Variants in CDH18 observed in about 807,000 individuals in gnomAD.
CDH18 encodes cadherin 18.
CDH18 carries 31 observed loss-of-function variants against 67.9 expected under a neutral mutation model. That is an observed-to-expected ratio of 0.46 (90% CI 0.34 to 0.62). The LOEUF is 0.62. CDH18 is among the 20% of genes least tolerant of loss of function. The probability of loss-of-function intolerance (pLI) is 0.01; values close to 1 mark genes in which losing one functional copy is unlikely to be tolerated. For missense variants in CDH18, 890 were observed against 975.5 expected, an observed-to-expected ratio of 0.91 and a Z score of 1.17; for synonymous variants, 362 against 347.2, an observed-to-expected ratio of 1.04 and a Z score of -0.48.
chr5:20,527,177 C>G (rs1191759747), intron 1 of CDH18, among the ~76,000 whole-genome samples: 1 of 121,050 alleles, frequency 8.3e-6, no homozygotes, highest in Non-Finnish European at 2.0e-5. Flanking sequence ...TGAAGACCAT[C>G]TTGCTGAAAT....
At chr5:19,724,928 CT>C (rs34393612) in intron 4 of CDH18, among the ~76,000 whole-genome samples, 62,521 of 121,894 alleles carry the variant, frequency 0.51, 13,533 homozygotes, top group South Asian at 0.64. Flanking sequence ...ATATTAAGGC[CT>C]TTTTTTTTTT....
chr5:19,570,114 T>A (rs1403869028), intron 8 of CDH18, among the ~76,000 whole-genome samples: 2 of 151,726 alleles, frequency 1.3e-5, no homozygotes, highest in Non-Finnish European at 2.9e-5. Context: ...GGTGCTACAT[T>A]TTTTTTTAAA....
intron 12 of CDH18, among the ~76,000 whole-genome samples, chr5:19,479,320 G>A (rs1471299928): frequency 1.3e-5 from 2 of 152,068 alleles, no homozygotes; most frequent in South Asian, 2.1e-4. Context: ...AGGGTTGAAC[G>A]TTATTTCAGA....
chr5:20,411,520 G>T (rs1285671712), intron 1 of CDH18, among the ~76,000 whole-genome samples: 1 of 152,042 alleles, frequency 6.6e-6, no homozygotes, highest in Non-Finnish European at 1.5e-5. Context: ...AAAGCTTCAT[G>T]ACTTTGCTGT....
intron 2 of CDH18, among the ~76,000 whole-genome samples, chr5:20,106,182 T>A (rs935715140): frequency 6.6e-6 from 1 of 152,180 alleles, no homozygotes; most frequent in Non-Finnish European, 1.5e-5. Flanking sequence ...TTCCTCCAAC[T>A]CTACGAGTTT....
chr5:20,067,317 A>T (rs1743066356), intron 2 of CDH18, among the ~76,000 whole-genome samples: 1 of 151,208 alleles, frequency 6.6e-6, no homozygotes, highest in Admixed American at 6.6e-5. Context: ...CTAACTAAAT[A>T]TCTGAATTCA....
upstream of CDH18, among the ~76,000 whole-genome samples, chr5:19,989,336 A>G (rs185473035): frequency 6.6e-6 from 1 of 152,342 alleles, no homozygotes; most frequent in Non-Finnish European, 1.5e-5. Flanking sequence ...CCAGGTTCAG[A>G]ATGTTAAAGG....
intron 8 of CDH18, among the ~76,000 whole-genome samples, chr5:19,559,934 A>AAAAAC (rs1739152122): frequency 6.6e-6 from 1 of 151,474 alleles, no homozygotes; most frequent in African/African-American, 2.4e-5. Context: ...ACAAAAAAAA[A>AAAAAC]ACTCAGGAAT....
At chr5:20,377,116 G>A (rs1743516290) in intron 1 of CDH18, among the ~76,000 whole-genome samples, 1 of 152,042 alleles carries the variant, frequency 6.6e-6, no homozygotes, top group Non-Finnish European at 1.5e-5. Context: ...AATAAAGCTT[G>A]GTGGATAAGA....
At chr5:19,526,930 G>A (rs1269894454) in intron 9 of CDH18, among the ~76,000 whole-genome samples, 1 of 151,758 alleles carries the variant, frequency 6.6e-6, no homozygotes, top group Non-Finnish European at 1.5e-5. Flanking sequence ...ATTTATAGCT[G>A]TCTAAGTTTC....
chr5:20,271,050 G>T (rs1580632451), intron 1 of CDH18, among the ~76,000 whole-genome samples: 1 of 152,030 alleles, frequency 6.6e-6, no homozygotes, highest in East Asian at 1.9e-4. Flanking sequence ...CTTAATACCT[G>T]AGTGATGATA....
chr5:20,504,279 C>T (rs1346624463), intron 1 of CDH18, among the ~76,000 whole-genome samples: 1 of 152,100 alleles, frequency 6.6e-6, no homozygotes, highest in East Asian at 1.9e-4. Flanking sequence ...AGAATTTTAT[C>T]TCTTGATTTC....
intron 4 of CDH18, among the ~76,000 whole-genome samples, chr5:19,743,789 C>G (rs949093964): frequency 1.3e-5 from 2 of 151,894 alleles, no homozygotes; most frequent in African/African-American, 4.8e-5. Context: ...GGCCTGGAGG[C>G]ACACGCCTGT....
At chr5:19,695,829 G>A (rs143640493) in intron 5 of CDH18, among the ~76,000 whole-genome samples, 3 of 152,206 alleles carry the variant, frequency 2.0e-5, no homozygotes, top group African/African-American at 7.2e-5. Flanking sequence ...CTTCAGGAGC[G>A]AGTTCATCAT....
intron 1 of CDH18, among the ~76,000 whole-genome samples, chr5:20,446,300 C>A (rs891926693): frequency 1.3e-5 from 2 of 152,106 alleles, no homozygotes; most frequent in South Asian, 4.1e-4. Flanking sequence ...TGGGGTTGAA[C>A]CTAGGTGGGC....
intron 1 of CDH18, among the ~76,000 whole-genome samples, chr5:20,566,526 A>ATTTTTTTTTTTTTTTTTTTT (rs33950954): frequency 1.0e-5 from 1 of 97,380 alleles, no homozygotes; most frequent in Non-Finnish European, 2.0e-5. Flanking sequence ...TGCCCAGCTA[A>ATTTTTTTTTTTTTTTTTTTT]TTTTTTTTTT....
intron 4 of CDH18, among the ~76,000 whole-genome samples, chr5:19,746,604 G>T (rs781743947): frequency 7.9e-5 from 12 of 152,010 alleles, no homozygotes; most frequent in Non-Finnish European, 1.2e-4. Flanking sequence ...GAATGTGCTG[G>T]TATGTTCTTA....
chr5:19,643,974 A>G (rs576490896), intron 5 of CDH18, among the ~76,000 whole-genome samples: 2 of 152,284 alleles, frequency 1.3e-5, no homozygotes, highest in African/African-American at 4.8e-5. Flanking sequence ...TAATTTTTCA[A>G]TATACCTCTT....
intron 2 of CDH18, among the ~76,000 whole-genome samples, chr5:19,941,806 A>G (rs1158578816): frequency 6.6e-6 from 1 of 151,984 alleles, no homozygotes; most frequent in African/African-American, 2.4e-5. Flanking sequence ...ACAAAAAACA[A>G]AAAACAATCC....
Sources: gnomAD v4.1 joint callset for allele counts (sites outside exome capture counted in the v4.1 genomes callset) on GRCh38, gnomAD v4.1.1 for gene constraint, MANE v1.5 for transcripts, NCBI Gene and HGNC (gene_info 2026-07-23, HGNC 2026-07-21) for gene names.